Variants in FAM135A observed in about 807,000 individuals in gnomAD.
FAM135A encodes protein FAM135A.
Under a neutral mutation model 146.8 loss-of-function variants are expected in FAM135A, and 79 were observed. The ratio of observed to expected loss-of-function variants is 0.54; its 90% CI spans 0.45 to 0.65. The LOEUF is 0.65. Ranked by LOEUF, FAM135A falls within the 30% of genes least tolerant of loss-of-function variation. The probability of loss-of-function intolerance (pLI) is 0.00; values close to 1 mark genes in which losing one functional copy is unlikely to be tolerated. For synonymous variants in FAM135A, 562 were observed against 603.6 expected (o/e 0.93, Z 1.01); for missense variants, 1,623 against 1,758.2 (o/e 0.92, Z 1.38).
chr6:70,415,388 G>A lies in FAM135A; in HGVS notation c.-134+12G>A, dbSNP rs1340924869. The A allele has an allele frequency of 6.6e-6, 1 of 151,858 alleles. No homozygotes were observed. The highest frequency in any genetic ancestry group is 1.5e-5 in the Non-Finnish European group (1 of 67,966). The allele number at this position is 151,858 out of a possible 1,614,324, so 9.4% of individuals were successfully genotyped here. On this transcript the variant is annotated intron_variant, in intron 2 of 21. Coordinates refer to ENST00000418814, the MANE Select transcript of FAM135A (RefSeq NM_001162529.3). ...GTTGTCTGTGTCAGGTAGGAATTAA[G>A]TTTTCTGTTTCTGTTTTAAGAAGGG...
intron 2 of FAM135A, among the ~76,000 whole-genome samples, chr6:70,418,864 C>T (rs1210224315): frequency 1.3e-5 from 2 of 152,224 alleles, no homozygotes; most frequent in Non-Finnish European, 2.9e-5. Context: ...CAAGACTAAT[C>T]CACATGTCAC....
chr6:70,453,511 C>T (rs954469777), intron 5 of FAM135A, among the ~76,000 whole-genome samples: 4 of 151,998 alleles, frequency 2.6e-5, no homozygotes, highest in African/African-American at 9.7e-5. Context: ...GTTTGCTGCA[C>T]CCATTAATTC....
chr6:70,487,788 T>C (rs1302564969), intron 10 of FAM135A, among the ~76,000 whole-genome samples: 2 of 152,332 alleles, frequency 1.3e-5, no homozygotes, highest in African/African-American at 4.8e-5. Flanking sequence ...ATTGCCAGCC[T>C]ATCAGTTTAC....
At chr6:70,480,131 A>G (rs1411883520) in intron 8 of FAM135A, among the ~76,000 whole-genome samples, 1 of 152,144 alleles carries the variant, frequency 6.6e-6, no homozygotes, top group African/African-American at 2.4e-5. Context: ...ATTGTGTATG[A>G]TTTTTCAACA....
chr6:70,492,519 T>G (rs1786232927), intron 11 of FAM135A, among the ~76,000 whole-genome samples: 2 of 151,856 alleles, frequency 1.3e-5, no homozygotes, highest in Non-Finnish European at 2.9e-5. Flanking sequence ...GAAATTTCTT[T>G]GTAACAAAAT....
At chr6:70,540,588 G>A (rs1218706724) in intron 20 of FAM135A, among the ~76,000 whole-genome samples, 1 of 152,146 alleles carries the variant, frequency 6.6e-6, no homozygotes, top group Non-Finnish European at 1.5e-5. Context: ...GCCTCCTAAA[G>A]TGCTGGGATT....
At chr6:70,487,594 G>T (rs1035193679) in intron 10 of FAM135A, among the ~76,000 whole-genome samples, 1 of 152,054 alleles carries the variant, frequency 6.6e-6, no homozygotes, top group Non-Finnish European at 1.5e-5. Context: ...AAGGGAAACT[G>T]ATTTTCTTGT....
chr6:70,427,968 T>C (rs1770589883), intron 3 of FAM135A, among the ~76,000 whole-genome samples: 1 of 152,176 alleles, frequency 6.6e-6, no homozygotes, highest in Admixed American at 6.5e-5. Flanking sequence ...ATATTAGATA[T>C]CTTCACTATT....
chr6:70,485,142 A>G (rs558710707), intron 10 of FAM135A, among the ~76,000 whole-genome samples: 2 of 152,350 alleles, frequency 1.3e-5, no homozygotes, highest in African/African-American at 4.8e-5. Flanking sequence ...TACCTTACAC[A>G]TAGACTTACT....
chr6:70,449,117 GCTTTCTTTTCAT>G (rs1421424487), intron 4 of FAM135A, among the ~76,000 whole-genome samples: 3 of 152,136 alleles, frequency 2.0e-5, no homozygotes, highest in Non-Finnish European at 4.4e-5. Context: ...CAGAGAAGTG[GCTTTCTTTTCAT>G]ATTTTAAAAT....
chr6:70,522,441 C>T, intron 12 of FAM135A, 72 bp from the exon 13 acceptor site: 1 of 1,352,036 alleles, frequency 7.4e-7, no homozygotes, highest in Admixed American at 1.7e-5. Flanking sequence ...CAGTTTCTCT[C>T]CTTACCATAA....
intron 8 of FAM135A, among the ~76,000 whole-genome samples, chr6:70,477,853 G>A (rs1250491511): frequency 6.6e-6 from 1 of 152,068 alleles, no homozygotes; most frequent in East Asian, 1.9e-4. Flanking sequence ...AAGAGTATGG[G>A]AAACATTGGC....
In FAM135A at chr6:70,556,842, G is replaced by T. The variant is rs762367818; in HGVS notation, c.4321G>T (p.Ala1441Ser). The T allele has an allele frequency of 6.2e-6, 10 of 1,613,630 alleles. No homozygotes were observed. The highest frequency in any genetic ancestry group is 8.5e-6 in the Non-Finnish European group (10 of 1,179,884). The change falls in exon 21 of 22, where the codon GCT becomes TCT. Residue 1441 changes from alanine (A) to serine (S), a missense_variant. Ala to Ser is a moderately conservative substitution (Grantham distance 99, BLOSUM62 1). Around this residue, in one of 7 missense-constraint regions of FAM135A, gnomAD observed 138 missense variants for 174.1 expected, o/e 0.79. Coordinates refer to ENST00000418814, the MANE Select transcript of FAM135A (RefSeq NM_001162529.3). ...TGCCCGCATTGAAATGTGTAAAACA[G>T]CTTTAAAGGACAAACAGTCAGGTAA... ...HSARIEMCKT[A>S]LKDKQSGQIY...
chr6:70,450,736 T>G lies in FAM135A; in HGVS notation c.78-1756T>G, dbSNP rs1478985130. On this transcript the variant is annotated intron_variant, in intron 4 of 21. Coordinates refer to ENST00000418814, the MANE Select transcript of FAM135A (RefSeq NM_001162529.3). ...TAGTTGTTTTTTTTTTTTTTTTTTT[T>G]TTTTTTTTTTTTTTTTTTTTTTGAG... Among the ~76,000 whole-genome samples, 8 of 105,376 alleles carry G rather than the reference T, an allele frequency of 7.6e-5. No individual in the cohort carries two copies. In the East Asian group the frequency reaches 1.4e-3, roughly 18 times the overall value. The allele number at this position is 105,376 out of a possible 152,430, so 69.1% of individuals were successfully genotyped here. A position where few individuals can be genotyped will look rare whatever the true frequency, so the allele number is the denominator to read the frequency against.
Position 70,428,309 on chromosome 6 carries a change from G to A in FAM135A, c.-34G>A, listed in dbSNP as rs752292035. On this transcript the variant is annotated 5_prime_UTR_variant, in exon 4 of 22. Transcript: ENST00000418814. ...TTTCCCTTTCCTTAACAAAGGTGCTGTTATCAGAATAGTCTTCTGGGTATA... is the reference window on the plus strand; with the variant it reads ...TTTCCCTTTCCTTAACAAAGGTGCTATTATCAGAATAGTCTTCTGGGTATA... 2 of 1,462,544 alleles carry A rather than the reference G, an allele frequency of 1.4e-6. No homozygotes were observed. Among genetic ancestry groups the A allele is most frequent in the South Asian group, 1.4e-5 (1 of 71,938 alleles). 90.6% of individuals were successfully genotyped at this position (1,462,544 alleles called of 1,614,324 possible).
chr6:70,526,466 A>G lies in FAM135A; in HGVS notation c.3382A>G (p.Thr1128Ala). 2 of 1,613,514 alleles carry G rather than the reference A, an allele frequency of 1.2e-6. No homozygotes were observed. Among genetic ancestry groups the G allele is most frequent in the Non-Finnish European group, 1.7e-6 (2 of 1,179,646 alleles). Residue 1128 changes from threonine to alanine, a missense_variant, in exon 15 of 22, where the codon ACA becomes GCA. Physicochemically the swap from Thr to Ala is moderately conservative, Grantham distance 58 (BLOSUM62 0). Coordinates refer to ENST00000418814, the MANE Select transcript of FAM135A (RefSeq NM_001162529.3). The stretch of plus-strand genomic sequence containing the variant: ...AGATGAACTAATGGAAGAAAGACTT[A>G]CAAAATCTGAAAAAATAAACAGTGA... ...SRDELMEERL[T>A]KSEKINSDYL...
At position 70,553,989 on chromosome 6, in the gene FAM135A, G is replaced by C. The variant is rs186309741; in HGVS notation, c.4229-2761G>C. Among the ~76,000 whole-genome samples the C allele has an allele frequency of 9.9e-5, 15 of 152,196 alleles. 1 individual carries two copies. The East Asian group carries it at 2.3e-3, about 24-fold the overall frequency. ...CTTATAGAATAAAGAATTTAAGAAA[G>C]ATAGCAAGCAAAATTTTGGAAATAG... On this transcript the variant is annotated intron_variant, in intron 20 of 21. Transcript: ENST00000418814.
intron 15 of FAM135A, among the ~76,000 whole-genome samples, chr6:70,528,009 T>C (rs1436851427): frequency 6.6e-6 from 1 of 152,196 alleles, no homozygotes; most frequent in Non-Finnish European, 1.5e-5. Context: ...GCAGAAAGTA[T>C]AACTTCACTC....
chr6:70,533,090 A>G (rs1796135165), intron 16 of FAM135A, 70 bp from the exon 17 acceptor site: 1 of 1,246,590 alleles, frequency 8.0e-7, no homozygotes, highest in Admixed American at 1.8e-5. Flanking sequence ...AAAACTGTAA[A>G]AATATGTGAT....
Sources: gnomAD v4.1 joint callset for allele counts (sites outside exome capture counted in the v4.1 genomes callset) on GRCh38, gnomAD v4.1.1 for gene constraint, gnomAD v4.1.1 regional missense constraint, MANE v1.5 for transcripts, NCBI Gene and HGNC (gene_info 2026-07-23, HGNC 2026-07-21) for gene names.